The following KCNIP4 variants were observed in gnomAD, a reference collection of about 807,000 sequenced individuals.
KCNIP4 encodes potassium voltage-gated channel interacting protein 4, also known as Kv channel-interacting protein 4.
A neutral mutation model predicts 34.0 loss-of-function variants in KCNIP4; 12 were observed. The ratio of observed to expected loss-of-function variants is 0.35; its 90% confidence interval spans 0.23 to 0.57. KCNIP4 has a LOEUF of 0.57. Ranked by LOEUF, KCNIP4 falls within the 20% of genes least tolerant of loss-of-function variation. KCNIP4 has a pLI of 0.83. For missense variants in KCNIP4, 238 were observed against 311.7 expected (o/e 0.76, Z 1.78); for synonymous variants, 124 against 102.2 (o/e 1.21, Z -1.29).
intron 1 of KCNIP4, among the ~76,000 whole-genome samples, chr4:21,124,510 T>G (rs1468203112): frequency 6.6e-6 from 1 of 152,068 alleles, no homozygotes; most frequent in Non-Finnish European, 1.5e-5. Context: ...ATCTGTGACC[T>G]TCCTTGCTCT....
chr4:21,417,418 AC>A (rs1340188055), intron 1 of KCNIP4, among the ~76,000 whole-genome samples: 1 of 152,138 alleles, frequency 6.6e-6, no homozygotes, highest in Non-Finnish European at 1.5e-5. Flanking sequence ...AAATAAAAAA[AC>A]ATCAAGAGGA....
In KCNIP4 at chr4:21,936,175, A is replaced by G. The variant is rs1237296708; in HGVS notation, c.61+12396T>C. Among the ~76,000 whole-genome samples the G allele has an allele frequency of 2.6e-5, 4 of 151,590 alleles. No homozygotes were observed. In the East Asian group the frequency reaches 7.8e-4, roughly 30 times the overall value. On this transcript the variant is annotated intron_variant, in intron 1 of 8. Coordinates refer to ENST00000382152, the MANE Select transcript of KCNIP4 (RefSeq NM_025221.6). ...ATGGTTTGGCTGTGTCCCCACCCAA[A>G]CCTCATCTTGAATTGTAGCTCCCAT... is the stretch of plus-strand genomic sequence containing the variant.
At chr4:21,362,316 AT>A (rs1719315781) in intron 1 of KCNIP4, among the ~76,000 whole-genome samples, 1 of 152,186 alleles carries the variant, frequency 6.6e-6, no homozygotes, top group East Asian at 1.9e-4. Context: ...GACAGACCTC[AT>A]GGTCACGAAA....
intron 1 of KCNIP4, among the ~76,000 whole-genome samples, chr4:21,892,107 CT>C (rs1361624776): frequency 6.6e-6 from 1 of 152,068 alleles, no homozygotes; most frequent in Non-Finnish European, 1.5e-5. Flanking sequence ...TGAGAGAATG[CT>C]GTTGTCAATA....
At chr4:20,972,066 G>T (rs190968514) in intron 1 of KCNIP4, among the ~76,000 whole-genome samples, 1 of 152,282 alleles carries the variant, frequency 6.6e-6, no homozygotes, top group East Asian at 1.9e-4. Flanking sequence ...CAGTAATTCA[G>T]TTAAATATTC....
At chr4:21,823,132 CTA>C (rs1722467675) in intron 1 of KCNIP4, among the ~76,000 whole-genome samples, 1 of 152,042 alleles carries the variant, frequency 6.6e-6, no homozygotes, top group South Asian at 2.1e-4. Flanking sequence ...ATCTAATTTA[CTA>C]TTTCTCTCTC....
chr4:21,639,411 C>T lies in KCNIP4; in HGVS notation c.61+309160G>A, dbSNP rs114478766. On this transcript the variant is annotated intron_variant, in intron 1 of 8. Coordinates refer to ENST00000382152, the MANE Select transcript of KCNIP4 (RefSeq NM_025221.6). ...AGAATCAACAAATCTATACAATTGT[C>T]AGTGAAGACAGTCAATCTTTGTCAT... Among the ~76,000 whole-genome samples the T allele has an allele frequency of 2.9e-3, 434 of 152,184 alleles. 3 individuals carry two copies. Among genetic ancestry groups the T allele is most frequent in the African/African-American group, 0.01 (416 of 41,544 alleles).
rs1474784325 is a variant in KCNIP4 at position 20,823,239 on chromosome 4, CAG to C, written c.288+27302_288+27303del. On this transcript the variant is annotated intron_variant, in intron 3 of 8. Transcript: ENST00000382152. ...TATGACTGGCGCATAGAATGTGAAA[CAG>C]AGAGTGACAGGGCATCAGAGTGGAA... is the stretch of plus-strand genomic sequence containing the variant. 2.6e-5 allele frequency among the ~76,000 whole-genome samples: 4 copies of C among 152,128 alleles called. No individual in the cohort carries two copies. The East Asian group carries it at 7.8e-4, about 30-fold the overall frequency.
intron 1 of KCNIP4, among the ~76,000 whole-genome samples, chr4:20,995,041 T>C (rs1469341766): frequency 6.6e-6 from 1 of 152,206 alleles, no homozygotes; most frequent in Non-Finnish European, 1.5e-5. Context: ...TTATTCATGA[T>C]TTTCCTGGAG....
intron 1 of KCNIP4, among the ~76,000 whole-genome samples, chr4:20,938,755 A>G (rs1731338163): frequency 6.6e-6 from 1 of 152,176 alleles, no homozygotes; most frequent in South Asian, 2.1e-4. Flanking sequence ...ATATTCTCCA[A>G]TTGTATAGAA....
chr4:21,912,561 G>C (rs537909541), intron 1 of KCNIP4, among the ~76,000 whole-genome samples: 67 of 152,244 alleles, frequency 4.4e-4, no homozygotes, highest in African/African-American at 1.5e-3. Context: ...CAATATACTG[G>C]AAGGGGTAGG....
At chr4:21,455,016 A>G (rs1728811195) in intron 1 of KCNIP4, among the ~76,000 whole-genome samples, 1 of 152,050 alleles carries the variant, frequency 6.6e-6, no homozygotes, top group African/African-American at 2.4e-5. Context: ...AGAATCCCTC[A>G]GTCCCAGGCA....
At chr4:21,668,457 T>C (rs1478678788) in intron 1 of KCNIP4, among the ~76,000 whole-genome samples, 1 of 152,290 alleles carries the variant, frequency 6.6e-6, no homozygotes, top group East Asian at 1.9e-4. Context: ...TATGAAGATA[T>C]TTATGTGAAA....
Position 21,053,985 on chromosome 4 carries a change from TATTTTGTAGATATTGACAAAATG to T in KCNIP4, c.62-171299_62-171277del, listed in dbSNP as rs1255089681. 7.5e-5 allele frequency among the ~76,000 whole-genome samples: 8 copies of T among 107,264 alleles called. No individual in the cohort carries two copies. The East Asian group carries it at 1.4e-3, about 19-fold the overall frequency. 70.4% of individuals were successfully genotyped at this position (107,264 alleles called of 152,430 possible). A position where few individuals can be genotyped will look rare whatever the true frequency, so the allele number is the denominator to read the frequency against. ...AATCCTAATCATAATTCCATCAAGT[TATTTTGTAGATATTGACAAAATG>T]ATTTTGTAGATATTGACAAAATGTA... On this transcript the variant is annotated intron_variant, in intron 1 of 8. Coordinates refer to ENST00000382152, the MANE Select transcript of KCNIP4 (RefSeq NM_025221.6).
intron 1 of KCNIP4, among the ~76,000 whole-genome samples, chr4:21,583,724 T>C (rs1741406988): frequency 6.6e-6 from 1 of 151,718 alleles, no homozygotes; most frequent in Admixed American, 6.6e-5. Context: ...TTCTTCTGAG[T>C]TCCAAGCAGG....
At position 21,820,306 on chromosome 4, in the gene KCNIP4, T is replaced by C. The variant is rs1056027167; in HGVS notation, c.61+128265A>G. 6.5e-5 allele frequency among the ~76,000 whole-genome samples: 9 copies of C among 137,872 alleles called. 1 individual carries two copies. Among genetic ancestry groups the C allele is most frequent in the Non-Finnish European group, 9.3e-5 (6 of 64,204 alleles). The allele number at this position is 137,872 out of a possible 152,430, so 90.4% of individuals were successfully genotyped here. ...GTGTGTATATATATATATATATATATATATATATATATATATATACATATA... is the reference window on the plus strand; with the variant it reads ...GTGTGTATATATATATATATATATACATATATATATATATATATACATATA... On this transcript the variant is annotated intron_variant, in intron 1 of 8. Transcript: ENST00000382152.
At chr4:21,725,880 T>C (rs1001313367) in intron 1 of KCNIP4, among the ~76,000 whole-genome samples, 1 of 152,144 alleles carries the variant, frequency 6.6e-6, no homozygotes, top group Admixed American at 6.6e-5. Flanking sequence ...TCAGGCCTCT[T>C]CTGCCCTAAA....
At chr4:21,287,086 T>C (rs1763167081) in intron 1 of KCNIP4, among the ~76,000 whole-genome samples, 1 of 152,118 alleles carries the variant, frequency 6.6e-6, no homozygotes, top group African/African-American at 2.4e-5. Context: ...TAGAGTCCTC[T>C]CCCCCTGGAA....
At chr4:21,644,523 T>C (rs181582384) in intron 1 of KCNIP4, among the ~76,000 whole-genome samples, 108 of 152,286 alleles carry the variant, frequency 7.1e-4, no homozygotes, top group Non-Finnish European at 1.0e-4. Flanking sequence ...CTAATGAAAG[T>C]GCAGCAGGTA....
Sources: gnomAD v4.1 joint callset for allele counts (sites outside exome capture counted in the v4.1 genomes callset) on GRCh38, gnomAD v4.1.1 for gene constraint, MANE v1.5 for transcripts, NCBI Gene and HGNC (gene_info 2026-07-23, HGNC 2026-07-21) for gene names.